TRIP12: variants seen among roughly 807,000 people sequenced by gnomAD.
TRIP12 encodes thyroid hormone receptor interactor 12.
TRIP12 carries 25 observed loss-of-function variants against 244.2 expected under a neutral mutation model. The observed-to-expected ratio is 0.10, with a 90% CI of 0.07 to 0.14. TRIP12 has a LOEUF of 0.14. Ranked by LOEUF, TRIP12 falls within the 10% of genes least tolerant of loss-of-function variation. The pLI, the probability that TRIP12 is intolerant of heterozygous loss-of-function variation, is 1.00. For synonymous variants in TRIP12, 905 were observed against 873.1 expected (o/e 1.04, Z -0.64); for missense variants, 1,677 against 2,486.4 (o/e 0.67, Z 6.92).
At chr2:229,868,955 T>C (rs966347963) in intron 2 of TRIP12, among the ~76,000 whole-genome samples, 23 of 152,232 alleles carry the variant, frequency 1.5e-4, no homozygotes, top group African/African-American at 5.1e-4. Flanking sequence ...GCCAAGGGAA[T>C]GTGAACAGAA....
intron 1 of TRIP12, among the ~76,000 whole-genome samples, chr2:229,884,570 T>C (rs1419138239): frequency 6.6e-6 from 1 of 152,110 alleles, no homozygotes; most frequent in African/African-American, 2.4e-5. Flanking sequence ...AAATTCTTAA[T>C]ATCATACGCA....
chr2:229,917,224 CA>C (rs2075600681), intron 1 of TRIP12, among the ~76,000 whole-genome samples: 1 of 151,100 alleles, frequency 6.6e-6, no homozygotes. Flanking sequence ...ACTAAAAATA[CA>C]AAAAAATTAG....
rs928213598 is a variant in TRIP12, at chr2:229,798,861, T to G, written c.3482+14A>C. 6.2e-7 allele frequency: 1 copy of G among 1,609,390 alleles called. No homozygotes were observed. On this transcript the variant is annotated intron_variant, in intron 23 of 41. Transcript: ENST00000675903. ...TATGGGAATAGAAGAAACATAAAACTCCCCCCACTTCACCTATTATTGGAG... is the reference window on the plus strand; with the variant it reads ...TATGGGAATAGAAGAAACATAAAACGCCCCCCACTTCACCTATTATTGGAG...
At chr2:229,775,522 T>C (rs1439219457) in intron 37 of TRIP12, among the ~76,000 whole-genome samples, 2 of 151,756 alleles carry the variant, frequency 1.3e-5, no homozygotes, top group African/African-American at 4.8e-5. Flanking sequence ...CTCTCATAGC[T>C]ACCAAGGAAA....
chr2:229,868,011 T>A (rs1383031244), intron 2 of TRIP12, among the ~76,000 whole-genome samples: 2 of 152,210 alleles, frequency 1.3e-5, no homozygotes, highest in African/African-American at 4.8e-5. Flanking sequence ...CATTGTTGAA[T>A]ACAGCACCAT....
chr2:229,850,950 C>G (rs1391755276), intron 4 of TRIP12, among the ~76,000 whole-genome samples: 1 of 152,246 alleles, frequency 6.6e-6, no homozygotes, highest in African/African-American at 2.4e-5. Flanking sequence ...TAGCTGCCTT[C>G]CCGCAGCGCA....
chr2:229,842,957 T>A (rs1267054453), intron 4 of TRIP12, among the ~76,000 whole-genome samples: 2 of 152,164 alleles, frequency 1.3e-5, no homozygotes, highest in Non-Finnish European at 2.9e-5. Context: ...TATTTACCCA[T>A]ATAACCAGCA....
chr2:229,878,788 T>C (rs370020387), intron 2 of TRIP12, among the ~76,000 whole-genome samples: 10 of 151,960 alleles, frequency 6.6e-5, no homozygotes, highest in African/African-American at 2.2e-4. Flanking sequence ...TTCACCATGT[T>C]AGCCAGGATG....
chr2:229,822,114 T>C (rs1221520832), intron 8 of TRIP12, among the ~76,000 whole-genome samples: 1 of 152,180 alleles, frequency 6.6e-6, no homozygotes, highest in Admixed American at 6.5e-5. Context: ...CACTCCAGCA[T>C]GAGCGACAAG....
At chr2:229,856,878 T>C (rs1014783152) in intron 4 of TRIP12, among the ~76,000 whole-genome samples, 1 of 152,238 alleles carries the variant, frequency 6.6e-6, no homozygotes, top group South Asian at 2.1e-4. Flanking sequence ...TTTATACAGA[T>C]GTTCTGCATA....
chr2:229,854,557 CCA>C (rs747064576), intron 4 of TRIP12, among the ~76,000 whole-genome samples: 4 of 152,170 alleles, frequency 2.6e-5, no homozygotes, highest in African/African-American at 4.8e-5. Flanking sequence ...CAAACATTCC[CCA>C]CAGTTACCAA....
intron 17 of TRIP12, among the ~76,000 whole-genome samples, chr2:229,807,039 C>T (rs978595386): frequency 1.3e-5 from 2 of 152,066 alleles, no homozygotes; most frequent in African/African-American, 4.8e-5. Flanking sequence ...TCAGTGCAAA[C>T]AATATATAAG....
At chr2:229,854,676 CT>C (rs1253503481) in intron 4 of TRIP12, among the ~76,000 whole-genome samples, 1 of 152,200 alleles carries the variant, frequency 6.6e-6, no homozygotes, top group African/African-American at 2.4e-5. Flanking sequence ...CATTTTGCCC[CT>C]ATATCCTTAA....
chr2:229,797,654 C>A, intron 24 of TRIP12, 36 bp downstream of exon 24: 2 of 1,604,132 alleles, frequency 1.2e-6, no homozygotes, highest in Non-Finnish European at 1.7e-6. Context: ...TGGGAAGAGA[C>A]TGAAAAAGAC....
Position 229,795,303 on chromosome 2 carries a change from C to T in TRIP12, c.3844G>A (p.Val1282Met). ...PLPGEEPIGR[V>M]EPVGNAPLLA... Reference sequence around the variant, plus strand: ...AAAGGTGCATTACCCACTGGTTCCACTCTTCCAATGGGCTCTTCTCCAGGA... The same window carrying T: ...AAAGGTGCATTACCCACTGGTTCCATTCTTCCAATGGGCTCTTCTCCAGGA... Residue 1282 changes from valine to methionine, a missense_variant, in exon 26 of 42, where the codon GTG becomes ATG. Coordinates refer to ENST00000675903, the MANE Select transcript of TRIP12 (RefSeq NM_001348323.3). 1 of 1,613,872 alleles carries T rather than the reference C, an allele frequency of 6.2e-7. No individual in the cohort carries two copies. Among genetic ancestry groups the T allele is most frequent in the Non-Finnish European group, 8.5e-7 (1 of 1,179,890 alleles).
At chr2:229,842,265 A>G (rs1012013256) in intron 4 of TRIP12, among the ~76,000 whole-genome samples, 1 of 152,220 alleles carries the variant, frequency 6.6e-6, no homozygotes, top group Non-Finnish European at 1.5e-5. Context: ...GATTTTCTAC[A>G]TAGCATACTG....
chr2:229,804,767 A>T (rs914115440), intron 18 of TRIP12, among the ~76,000 whole-genome samples: 12 of 152,338 alleles, frequency 7.9e-5, no homozygotes, highest in South Asian at 4.1e-4. Flanking sequence ...ATATAATTTT[A>T]TTAGAACGCA....
At chr2:229,922,237 CT>C, upstream of TRIP12, 1 of 419,254 alleles carries the variant, frequency 2.4e-6, no homozygotes, top group Non-Finnish European at 4.4e-6. Context: ...AGGAAGGGGA[CT>C]GTGGAGATCT....
At chr2:229,901,634 A>AAT (rs2070892515) in intron 1 of TRIP12, among the ~76,000 whole-genome samples, 1 of 150,644 alleles carries the variant, frequency 6.6e-6, no homozygotes, top group Non-Finnish European at 1.5e-5. Context: ...AAAAAAAAAA[A>AAT]TGAGAACCGA....
Sources: gnomAD v4.1 joint callset for allele counts (sites outside exome capture counted in the v4.1 genomes callset) on GRCh38, gnomAD v4.1.1 for gene constraint, MANE v1.5 for transcripts, NCBI Gene and HGNC (gene_info 2026-07-23, HGNC 2026-07-21) for gene names.